EFR3B: variants seen among roughly 807,000 people sequenced by gnomAD.
The protein encoded by EFR3B is protein EFR3 homolog B.
Under a neutral mutation model 104.7 loss-of-function variants are expected in EFR3B, and 64 were observed. The ratio of observed to expected loss-of-function variants is 0.61; its 90% confidence interval spans 0.50 to 0.75. EFR3B has a LOEUF of 0.75. EFR3B is among the 30% of genes least tolerant of loss of function. The pLI, the probability that EFR3B is intolerant of heterozygous loss-of-function variation, is 0.00. For missense variants in EFR3B, 750 were observed against 1,078.5 expected, an observed-to-expected ratio of 0.70 and a Z score of 4.27; for synonymous variants, 385 against 417.9, an observed-to-expected ratio of 0.92 and a Z score of 0.96.
At position 25,131,742 on chromosome 2, in the gene EFR3B, G is replaced by A. The variant is rs1670341985; in HGVS notation, c.986-8G>A. 8 of 1,492,980 alleles carry A rather than the reference G, an allele frequency of 5.4e-6. No homozygotes were observed. The highest frequency in any genetic ancestry group is 2.6e-5 in the South Asian group (2 of 75,564). 92.5% of individuals were successfully genotyped at this position (1,492,980 alleles called of 1,614,324 possible). On this transcript the variant is annotated splice_region_variant and splice_polypyrimidine_tract_variant and intron_variant, in intron 9 of 22. Coordinates refer to ENST00000403714, the MANE Select transcript of EFR3B (RefSeq NM_014971.2). This position sits in a 1 kb window ranked among gnomAD's most constrained non-coding sequence, Gnocchi z 7.6. ...TGGATCTCGGGTGTCCCGCCCCACC[G>A]CTCTCAGGGCCCACAGTACTGGAGA... is the stretch of plus-strand genomic sequence containing the variant.
chr2:25,089,993 C>T (rs1171554274), intron 1 of EFR3B, among the ~76,000 whole-genome samples: 2 of 151,354 alleles, frequency 1.3e-5, no homozygotes, highest in African/African-American at 4.8e-5. Flanking sequence ...CCTCCAGTGG[C>T]ACCCACCCCA....
At chr2:25,144,891 G>A (rs1670771967) in intron 18 of EFR3B, 69 bp from the exon 19 acceptor site, 1 of 1,366,758 alleles carries the variant, frequency 7.3e-7, no homozygotes, top group Non-Finnish European at 1.0e-6. Context: ...GTAGGGAGGT[G>A]GGACTAGCAG....
rs145108019 is a variant in EFR3B, at chr2:25,110,873, T to A, written c.363+7086T>A. Among the ~76,000 whole-genome samples the A allele has an allele frequency of 5.2e-3, 790 of 152,344 alleles. 1 individual carries two copies. The highest frequency in any genetic ancestry group is 0.024 in the Middle Eastern group (7 of 294). On this transcript the variant is annotated intron_variant, in intron 4 of 22. Transcript: ENST00000403714. ...TCAGAACTTAGTAAAGACTATTTAT[T>A]TGTTTTCTACATCCCTTAACTCTCT...
intron 4 of EFR3B, among the ~76,000 whole-genome samples, chr2:25,115,037 C>A (rs571372689): frequency 1.1e-3 from 161 of 152,204 alleles, no homozygotes; most frequent in South Asian, 2.5e-3. Flanking sequence ...AAAAATTAGC[C>A]GGACATTGTG....
Position 25,042,397 on chromosome 2 carries a change from C to A in EFR3B, c.7+78C>A. 1 of 1,228,564 alleles carries A rather than the reference C, an allele frequency of 8.1e-7. No individual in the cohort carries two copies. Among genetic ancestry groups the A allele is most frequent in the South Asian group, 3.7e-5 (1 of 27,190 alleles). 76.1% of individuals were successfully genotyped at this position (1,228,564 alleles called of 1,614,324 possible). A position where few individuals can be genotyped will look rare whatever the true frequency, so the allele number is the denominator to read the frequency against. ...TTCCCCGGCGCGGACCATTGTCCCC[C>A]TGCACGGCCCTGGCGCGGGGCCAGG... On this transcript the variant is annotated intron_variant, in intron 1 of 22. Coordinates refer to ENST00000403714, the MANE Select transcript of EFR3B (RefSeq NM_014971.2). This position sits in a 1 kb window ranked among gnomAD's most constrained non-coding sequence, Gnocchi z 5.4.
Position 25,153,698 on chromosome 2 carries a change from G to A in EFR3B, c.2299-14G>A. ...CCCACCCCTGCCAGCTCACTTCCGT[G>A]TGTTTGTGTCTAGGCATCGCTGCTC... is the stretch of plus-strand genomic sequence containing the variant. On this transcript the variant is annotated splice_polypyrimidine_tract_variant and intron_variant, in intron 21 of 22. Coordinates refer to ENST00000403714, the MANE Select transcript of EFR3B (RefSeq NM_014971.2). 2.6e-6 allele frequency: 4 copies of A among 1,545,388 alleles called. No homozygotes were observed. Among genetic ancestry groups the A allele is most frequent in the East Asian group, 2.6e-5 (1 of 38,192 alleles).
intron 3 of EFR3B, among the ~76,000 whole-genome samples, chr2:25,100,392 G>C (rs941551861): frequency 6.6e-6 from 1 of 152,188 alleles, no homozygotes; most frequent in Non-Finnish European, 1.5e-5. Context: ...CTGCGATCTT[G>C]TAAGAGAGGC....
intron 19 of EFR3B, chr2:25,147,053 A>G (rs1007431504): frequency 6.6e-6 from 1 of 152,442 alleles, no homozygotes; most frequent in African/African-American, 2.4e-5. Context: ...CTAGTGCAGA[A>G]TGCCACATCT....
chr2:25,143,223 A>G (rs1311895588), intron 17 of EFR3B, among the ~76,000 whole-genome samples: 1 of 152,206 alleles, frequency 6.6e-6, no homozygotes, highest in Non-Finnish European at 1.5e-5. Flanking sequence ...CTCAAAGAAA[A>G]AAAAAAGTGA....
At chr2:25,106,708 G>T (rs1669574292) in intron 4 of EFR3B, among the ~76,000 whole-genome samples, 1 of 152,188 alleles carries the variant, frequency 6.6e-6, no homozygotes, top group Non-Finnish European at 1.5e-5. Flanking sequence ...CTCCCAAAGT[G>T]CTGGGATTAC....
chr2:25,138,248 A>C (rs1239717354), intron 15 of EFR3B, among the ~76,000 whole-genome samples: 1 of 152,260 alleles, frequency 6.6e-6, no homozygotes, highest in Non-Finnish European at 1.5e-5. Context: ...TGCTTTGAGC[A>C]CTTGTTTAAA....
chr2:25,145,241 T>G (rs1670783609), intron 19 of EFR3B, 190 bp downstream of exon 19: 1 of 605,090 alleles, frequency 1.7e-6, no homozygotes, highest in East Asian at 2.7e-5. Flanking sequence ...ATTGTTAGGG[T>G]CCTCCCTGCT....
chr2:25,133,012 G>A lies in EFR3B; in HGVS notation c.1257G>A (p.Thr419=), dbSNP rs2304571. The A allele has an allele frequency of 4.5e-6, 7 of 1,551,270 alleles. No individual in the cohort carries two copies. Among genetic ancestry groups the A allele is most frequent in the Admixed American group, 2.0e-5 (1 of 50,990 alleles). Residue 419 remains threonine, a splice_region_variant and synonymous_variant, in exon 11 of 23, where the codon ACG becomes ACA. Coordinates refer to ENST00000403714, the MANE Select transcript of EFR3B (RefSeq NM_014971.2). ...ACCAGGCGGTGGACACAGGCAGGAC[G>A]GGGTGAGCCACCAATCTCCCCCAGC... The part of the protein sequence containing the change: ...SLHQAVDTGR[T]GENRNRLTQI...
At position 25,078,156 on chromosome 2, in the gene EFR3B, T is replaced by C. The variant is rs556369993; in HGVS notation, c.8-13169T>C. On this transcript the variant is annotated intron_variant, in intron 1 of 22. Transcript: ENST00000403714. ...AACCTGTCTATTTTAAACTTCTTTC[T>C]CTTCCCCACGCCACCCAGCAAGTGC... Among the ~76,000 whole-genome samples, 54 of 152,332 alleles carry C rather than the reference T, an allele frequency of 3.5e-4. 1 individual carries two copies. The highest frequency in any genetic ancestry group is 1.3e-3 in the African/African-American group (52 of 41,576).
intron 19 of EFR3B, chr2:25,145,382 G>A (rs1670786467): frequency 4.6e-6 from 2 of 437,858 alleles, no homozygotes; most frequent in Admixed American, 7.4e-5. Flanking sequence ...ATGATCTGGG[G>A]CAATATAAGG....
intron 4 of EFR3B, among the ~76,000 whole-genome samples, chr2:25,116,948 G>T (rs1353485804): frequency 1.3e-5 from 2 of 152,142 alleles, no homozygotes; most frequent in Non-Finnish European, 2.9e-5. Context: ...CAGGGATAAT[G>T]ATTGAAATAT....
Position 25,135,466 on chromosome 2 carries a change from G to A in EFR3B, c.1312-1G>A. 1 of 1,551,722 alleles carries A rather than the reference G, an allele frequency of 6.4e-7. No homozygotes were observed. Among genetic ancestry groups the A allele is most frequent in the Non-Finnish European group, 8.7e-7 (1 of 1,146,998 alleles). On this transcript the variant is annotated splice_acceptor_variant, in intron 12 of 22. Transcript: ENST00000403714. LOFTEE classifies it high-confidence loss of function. ...CATAGCTGTCCATACCTCCCTTGCA[G>A]GTATCCACAGGTTTCCAGTGCAACA...
intron 15 of EFR3B, among the ~76,000 whole-genome samples, chr2:25,138,123 G>A (rs1670569860): frequency 6.6e-6 from 1 of 152,164 alleles, no homozygotes; most frequent in Non-Finnish European, 1.5e-5. Flanking sequence ...AGTGAGCAGA[G>A]ATTTCACCAC....
chr2:25,098,129 C>T (rs989005937), intron 3 of EFR3B, among the ~76,000 whole-genome samples: 3 of 152,112 alleles, frequency 2.0e-5, no homozygotes, highest in Non-Finnish European at 4.4e-5. Context: ...GGTCATCCCT[C>T]CCTTCCTGAG....
Sources: gnomAD v4.1 joint callset for allele counts (sites outside exome capture counted in the v4.1 genomes callset) on GRCh38, gnomAD v4.1.1 for gene constraint, Gnocchi (gnomAD v3.1) non-coding constraint, MANE v1.5 for transcripts, NCBI Gene and HGNC (gene_info 2026-07-23, HGNC 2026-07-21) for gene names.